LARGE1: variants seen among roughly 807,000 people sequenced by gnomAD.
LARGE1 encodes LARGE xylosyl- and glucuronyltransferase 1.
A neutral mutation model predicts 87.6 loss-of-function variants in LARGE1; 43 were observed. That is an observed-to-expected ratio of 0.49 (90% confidence interval 0.38 to 0.63). The LOEUF (loss-of-function observed/expected upper bound fraction) is 0.63, where lower values mean the gene tolerates loss of function less well. LARGE1 is among the 30% of genes least tolerant of loss of function. LARGE1 has a pLI of 0.00. For synonymous variants in LARGE1, 434 were observed against 394.6 expected (o/e 1.10, Z -1.18); for missense variants, 802 against 1,000.2 (o/e 0.80, Z 2.67).
chr22:33,097,892 T>C, the LARGE1 span, among the ~76,000 whole-genome samples: 1 of 152,366 alleles, frequency 6.6e-6, no homozygotes, highest in East Asian at 1.9e-4. Flanking sequence ...CTTAATTATA[T>C]GGTAGCCATT....
intron 9 of LARGE1, among the ~76,000 whole-genome samples, chr22:33,348,289 C>CCCCCCA (rs1569081859): frequency 2.4e-5 from 3 of 124,054 alleles, no homozygotes; most frequent in Non-Finnish European, 3.4e-5. Flanking sequence ...CACCCCCCCC[C>CCCCCCA]AAAAAAAAAG....
chr22:33,704,064 G>T (rs751622979), intron 2 of LARGE1, among the ~76,000 whole-genome samples: 1 of 152,154 alleles, frequency 6.6e-6, no homozygotes, highest in Non-Finnish European at 1.5e-5. Flanking sequence ...ATACTAAAGC[G>T]CTGAATTGTC....
chr22:33,607,537 G>A (rs371164117), intron 4 of LARGE1, among the ~76,000 whole-genome samples: 3 of 150,884 alleles, frequency 2.0e-5, no homozygotes, highest in African/African-American at 7.3e-5. Context: ...GATTTCAGGA[G>A]AACAGATATT....
At chr22:33,670,524 C>T (rs1414145855) in intron 2 of LARGE1, among the ~76,000 whole-genome samples, 10 of 151,960 alleles carry the variant, frequency 6.6e-5, no homozygotes, top group African/African-American at 2.4e-4. Context: ...AAAGTGGACC[C>T]ACGGGGGCAC....
the LARGE1 span, among the ~76,000 whole-genome samples, chr22:33,145,148 A>G: frequency 6.6e-6 from 1 of 152,140 alleles, no homozygotes; most frequent in Non-Finnish European, 1.5e-5. Flanking sequence ...ATGTCCATGT[A>G]CTATGAAATA....
At chr22:33,278,399 A>G (rs1399229485) in intron 13 of LARGE1, among the ~76,000 whole-genome samples, 2 of 152,140 alleles carry the variant, frequency 1.3e-5, no homozygotes, top group Non-Finnish European at 1.5e-5. Context: ...ATCCCTAGAG[A>G]CTGTGAGATC....
intron 1 of LARGE1, among the ~76,000 whole-genome samples, chr22:33,913,955 GACTC>G (rs1367424566): frequency 6.6e-6 from 1 of 152,148 alleles, no homozygotes; most frequent in Non-Finnish European, 1.5e-5. Context: ...ATTAAAAGGA[GACTC>G]ACTATGAATC....
At chr22:33,504,829 CATA>C (rs2070688711) in intron 6 of LARGE1, among the ~76,000 whole-genome samples, 1 of 152,176 alleles carries the variant, frequency 6.6e-6, no homozygotes, top group South Asian at 2.1e-4. Context: ...GTTAACAAAA[CATA>C]ATACCTTAAA....
chr22:33,360,473 CAT>C lies in LARGE1; in HGVS notation c.1131+21444_1131+21445del, dbSNP rs774765689. On this transcript the variant is annotated intron_variant, in intron 9 of 14. Transcript: ENST00000397394. ...AGAAGGGGCATGGCAGAAACTTACA[CAT>C]GTCTTATGTGGGCCAGAGCAGCAAG... is the stretch of plus-strand genomic sequence containing the variant. Among the ~76,000 whole-genome samples, 7 of 149,534 alleles carry C rather than the reference CAT, an allele frequency of 4.7e-5. 1 individual carries two copies. Among genetic ancestry groups the C allele is most frequent in the African/African-American group, 1.2e-4 (5 of 40,618 alleles).
At chr22:33,589,604 C>T (rs1206004137) in intron 5 of LARGE1, among the ~76,000 whole-genome samples, 4 of 152,116 alleles carry the variant, frequency 2.6e-5, no homozygotes, top group Non-Finnish European at 4.4e-5. Flanking sequence ...TTCCCTTCTG[C>T]TTTCCTTAGG....
chr22:33,691,821 G>T (rs1012984561), intron 2 of LARGE1, among the ~76,000 whole-genome samples: 1 of 152,132 alleles, frequency 6.6e-6, no homozygotes, highest in South Asian at 2.1e-4. Flanking sequence ...GCCTAGGAGG[G>T]GTGGACTCTC....
chr22:33,335,218 G>C (rs1938301010), intron 10 of LARGE1, among the ~76,000 whole-genome samples: 1 of 152,262 alleles, frequency 6.6e-6, no homozygotes, highest in Non-Finnish European at 1.5e-5. Context: ...TGTGAGCAAA[G>C]AGAACTGAAG....
chr22:33,231,128 T>C (rs1925985606), intron 11 of LARGE1, among the ~76,000 whole-genome samples: 1 of 152,236 alleles, frequency 6.6e-6, no homozygotes, highest in Non-Finnish European at 1.5e-5. Context: ...ACAGTTCTTA[T>C]GTTCTTATAT....
At position 33,399,111 on chromosome 22, in the gene LARGE1, T is replaced by C. The variant is rs1020285350; in HGVS notation, c.893-14807A>G. ...TTTAAGCCCTTCAAGCATTAGGTAT[T>C]TGTCCTAATTCTCTCCCTCCGCTTC... On this transcript the variant is annotated intron_variant, in intron 7 of 14. Coordinates refer to ENST00000397394, the MANE Select transcript of LARGE1 (RefSeq NM_133642.5). Among the ~76,000 whole-genome samples the C allele has an allele frequency of 9.2e-5, 14 of 152,272 alleles. No homozygotes were observed. In the South Asian group the frequency reaches 2.5e-3, roughly 27 times the overall value.
At chr22:33,682,382 T>C (rs1300866177) in intron 2 of LARGE1, among the ~76,000 whole-genome samples, 2 of 152,142 alleles carry the variant, frequency 1.3e-5, no homozygotes, top group African/African-American at 4.8e-5. Context: ...CTGGCCTCCT[T>C]CTCCCACCCT....
intron 2 of LARGE1, among the ~76,000 whole-genome samples, chr22:33,657,869 A>G (rs1404235741): frequency 2.6e-5 from 4 of 152,092 alleles, no homozygotes; most frequent in African/African-American, 9.7e-5. Context: ...CTGTGTCTGC[A>G]TCGTCTCATT....
intron 11 of LARGE1, among the ~76,000 whole-genome samples, chr22:33,225,366 G>C (rs1050183139): frequency 6.6e-6 from 1 of 152,200 alleles, no homozygotes; most frequent in African/African-American, 2.4e-5. Context: ...ATCAATGATT[G>C]AGCATTTACA....
At chr22:33,090,892 T>C in the LARGE1 span, among the ~76,000 whole-genome samples, 30 of 152,320 alleles carry the variant, frequency 2.0e-4, 1 homozygote, top group Middle Eastern at 3.4e-3. Flanking sequence ...CTTGGACACC[T>C]GGTGATAGGG....
At chr22:33,575,032 G>T (rs1273545669) in intron 5 of LARGE1, among the ~76,000 whole-genome samples, 1 of 152,124 alleles carries the variant, frequency 6.6e-6, no homozygotes, top group East Asian at 1.9e-4. Flanking sequence ...TGAAAATCTA[G>T]ATTCCCAGGA....
Sources: gnomAD v4.1 joint callset for allele counts (sites outside exome capture counted in the v4.1 genomes callset) on GRCh38, gnomAD v4.1.1 for gene constraint, MANE v1.5 for transcripts, NCBI Gene and HGNC (gene_info 2026-07-23, HGNC 2026-07-21) for gene names.